The following AKT2 variants were observed in gnomAD, a reference collection of about 807,000 sequenced individuals.
The protein encoded by AKT2 is RAC-beta serine/threonine-protein kinase.
In AKT2, 16 loss-of-function variants were observed where a neutral mutation model predicts 58.6. The ratio of observed to expected loss-of-function variants is 0.27; its 90% CI spans 0.18 to 0.41. AKT2 has a LOEUF of 0.41. AKT2 is among the 10% of genes least tolerant of loss of function. The probability of loss-of-function intolerance (pLI) is 1.00; values close to 1 mark genes in which losing one functional copy is unlikely to be tolerated. For synonymous variants in AKT2, 253 were observed against 254.0 expected (o/e 1.00, Z 0.04); for missense variants, 438 against 661.0 (o/e 0.66, Z 3.70).
chr19:40,248,605 G>A (rs1178300638), intron 4 of AKT2, among the ~76,000 whole-genome samples: 3 of 152,244 alleles, frequency 2.0e-5, no homozygotes, highest in African/African-American at 4.8e-5. Flanking sequence ...GATTGGGAGG[G>A]AAAGGAACCC....
chr19:40,263,650 C>T (rs1976126499), intron 2 of AKT2, among the ~76,000 whole-genome samples: 1 of 152,180 alleles, frequency 6.6e-6, no homozygotes, highest in Non-Finnish European at 1.5e-5. Context: ...CCAGAAAGAG[C>T]AGCAGGACAC....
At chr19:40,282,351 G>A (rs972574823) in intron 1 of AKT2, 23 of 393,304 alleles carry the variant, frequency 5.8e-5, no homozygotes, top group Non-Finnish European at 8.6e-5. Flanking sequence ...AGCTAGAACC[G>A]ACTTCACCGT....
intron 1 of AKT2, chr19:40,269,059 G>T (rs1004302168): frequency 6.5e-6 from 1 of 152,994 alleles, no homozygotes. Context: ...GTTGTGGAGA[G>T]CCAAGATCGC....
At chr19:40,263,032 A>T (rs998261058) in intron 2 of AKT2, among the ~76,000 whole-genome samples, 1 of 152,202 alleles carries the variant, frequency 6.6e-6, no homozygotes, top group East Asian at 1.9e-4. Flanking sequence ...GGTGTGTCAG[A>T]GCTAGGCCAT....
intron 6 of AKT2, 180 bp downstream of exon 6, chr19:40,241,758 A>C: frequency 1.1e-6 from 1 of 951,254 alleles, no homozygotes; most frequent in Non-Finnish European, 1.6e-6. Flanking sequence ...GTGGGGACTC[A>C]GCAGCAAGGC....
Position 40,236,405 on chromosome 19 carries a change from A to G in AKT2, c.832-20T>C. On this transcript the variant is annotated intron_variant, in intron 9 of 13. Coordinates refer to ENST00000392038, the MANE Select transcript of AKT2 (RefSeq NM_001626.6). The stretch of plus-strand genomic sequence containing the variant: ...TTCCAGCTGTTGGAAAAGTCAACGG[A>G]TCTCAGGTGCATGCTCCCAAGGCTT... 6.2e-7 allele frequency: 1 copy of G among 1,613,952 alleles called. No homozygotes were observed. The highest frequency in any genetic ancestry group is 8.5e-7 in the Non-Finnish European group (1 of 1,179,984).
intron 2 of AKT2, among the ~76,000 whole-genome samples, chr19:40,260,090 T>C (rs546505084): frequency 1.3e-5 from 2 of 151,696 alleles, no homozygotes; most frequent in South Asian, 2.1e-4. Context: ...AGGTGGAGGT[T>C]ACAGTGAGCT....
intron 4 of AKT2, among the ~76,000 whole-genome samples, chr19:40,245,387 A>G (rs1974680855): frequency 6.6e-6 from 1 of 152,200 alleles, no homozygotes; most frequent in Admixed American, 6.5e-5. Context: ...AAAAATTTCA[A>G]AATTAAGGAA....
At chr19:40,255,766 T>A (rs1311293235) in intron 3 of AKT2, among the ~76,000 whole-genome samples, 1 of 152,036 alleles carries the variant, frequency 6.6e-6, no homozygotes, top group East Asian at 1.9e-4. Flanking sequence ...AGGCAGGGCT[T>A]TGGAGGCCAT....
At chr19:40,273,832 T>A (rs1375568907) in intron 1 of AKT2, among the ~76,000 whole-genome samples, 1 of 152,124 alleles carries the variant, frequency 6.6e-6, no homozygotes, top group Non-Finnish European at 1.5e-5. Context: ...CTCCACGCAG[T>A]TCTGACCCTG....
intron 4 of AKT2, among the ~76,000 whole-genome samples, chr19:40,254,460 G>A (rs1416272607): frequency 2.6e-5 from 4 of 151,490 alleles, no homozygotes; most frequent in African/African-American, 7.3e-5. Context: ...CCCGGGAGGC[G>A]GAGGTTGCAG....
At chr19:40,245,171 T>G (rs1181016363) in intron 4 of AKT2, among the ~76,000 whole-genome samples, 2 of 152,150 alleles carry the variant, frequency 1.3e-5, no homozygotes, top group South Asian at 2.1e-4. Context: ...CAATGAGACA[T>G]TCTGCAGCTG....
At chr19:40,280,054 G>A (rs1183877288) in intron 1 of AKT2, among the ~76,000 whole-genome samples, 3 of 152,114 alleles carry the variant, frequency 2.0e-5, no homozygotes, top group Admixed American at 6.5e-5. Flanking sequence ...TTTTGCCTTC[G>A]TAATATCAAC....
At chr19:40,267,040 C>T (rs1395891568) in intron 1 of AKT2, among the ~76,000 whole-genome samples, 1 of 152,164 alleles carries the variant, frequency 6.6e-6, no homozygotes, top group Non-Finnish European at 1.5e-5. Flanking sequence ...CATCTCTCCC[C>T]ATCCTGCCCG....
intron 4 of AKT2, among the ~76,000 whole-genome samples, chr19:40,247,282 C>G (rs1196655495): frequency 6.6e-6 from 1 of 152,198 alleles, no homozygotes; most frequent in Non-Finnish European, 1.5e-5. Context: ...GGGTAAACCA[C>G]GACTGTAAAA....
At position 40,242,374 on chromosome 19, in the gene AKT2, C is replaced by T. The variant is rs1042633924; in HGVS notation, c.441+160G>A. 9 of 1,199,348 alleles carry T rather than the reference C, an allele frequency of 7.5e-6. No homozygotes were observed. The highest frequency in any genetic ancestry group is 1.7e-5 in the Admixed American group (1 of 58,454). The allele number at this position is 1,199,348 out of a possible 1,614,324, so 74.3% of individuals were successfully genotyped here. ...CCCTCCCCTACGGGCATGGAGCACA[C>T]CCTAGGGCACCTGCCACCTGAAATC... On this transcript the variant is annotated intron_variant, in intron 5 of 13. Coordinates refer to ENST00000392038, the MANE Select transcript of AKT2 (RefSeq NM_001626.6). This position sits in a 1 kb window ranked among gnomAD's most constrained non-coding sequence, Gnocchi z 4.3.
intron 1 of AKT2, chr19:40,274,814 G>A (rs372582735): frequency 2.9e-6 from 1 of 345,168 alleles, no homozygotes; most frequent in African/African-American, 2.1e-5. Context: ...GGGACCGCTG[G>A]GCAGGGCCTT....
At chr19:40,257,086 T>A in intron 2 of AKT2, 32 bp from the exon 3 acceptor site, 1 of 1,612,940 alleles carries the variant, frequency 6.2e-7, no homozygotes, top group Non-Finnish European at 8.5e-7. Flanking sequence ...GGGAGAGAGG[T>A]TAGGACAAGG....
At chr19:40,269,969 C>A (rs1053899377) in intron 1 of AKT2, among the ~76,000 whole-genome samples, 2 of 152,200 alleles carry the variant, frequency 1.3e-5, no homozygotes, top group African/African-American at 4.8e-5. Flanking sequence ...CCTGCAACAT[C>A]CCCCTTTGCT....
Sources: allele counts gnomAD v4.1 joint callset (sites outside exome capture counted in the v4.1 genomes callset), GRCh38; gene constraint gnomAD v4.1.1; non-coding constraint Gnocchi (gnomAD v3.1); transcripts MANE v1.5; gene names NCBI Gene and HGNC (gene_info 2026-07-23, HGNC 2026-07-21).